The following LRCH4 variants were observed in gnomAD, a reference collection of about 807,000 sequenced individuals.
The protein encoded by LRCH4 is leucine rich repeats and calponin homology domain containing 4, also known as leucine-rich repeat and calponin homology domain-containing protein 4.
In LRCH4, 56 loss-of-function variants were observed where a neutral mutation model predicts 81.2. That is an observed-to-expected ratio of 0.69 (90% CI 0.56 to 0.86). LRCH4 has a LOEUF of 0.86. LRCH4 is among the 40% of genes least tolerant of loss of function. LRCH4 has a pLI of 0.00. For synonymous variants in LRCH4, 442 were observed against 409.7 expected, an observed-to-expected ratio of 1.08 and a Z score of -0.95; for missense variants, 895 against 922.8, an observed-to-expected ratio of 0.97 and a Z score of 0.39.
Position 100,582,444 on chromosome 7 carries a change from C to T in LRCH4, c.236G>A (p.Arg79Gln), listed in dbSNP as rs1156743671. 4.5e-5 allele frequency: 73 copies of T among 1,609,798 alleles called. No individual in the cohort carries two copies. Among genetic ancestry groups the T allele is most frequent in the Non-Finnish European group, 5.7e-5 (67 of 1,179,912 alleles). Residue 79 changes from arginine to glutamine, a missense_variant, in exon 2 of 18, where the codon CGG becomes CAG. Arg to Gln is a conservative substitution (Grantham distance 43). Around this residue, in one of 3 missense-constraint regions of LRCH4, gnomAD observed 360 missense variants for 397.0 expected, o/e 0.91. Coordinates refer to ENST00000310300, the MANE Select transcript of LRCH4 (RefSeq NM_002319.5). This position sits in a 1 kb window ranked among gnomAD's most constrained non-coding sequence, Gnocchi z 5.0. ...DITQADLSRN[R>Q]FPEVPEAACQ... ...CGCCGCCTCGGGCACCTCGGGAAAC[C>T]GGTTCCGGGACAGGTCTGGGGAAAA... is the stretch of plus-strand genomic sequence containing the variant.
Position 100,576,303 on chromosome 7 carries a change from CAG to C in LRCH4, c.1571_1572del (p.Ser524CysfsTer13). The C allele has an allele frequency of 6.2e-7, 1 of 1,614,066 alleles. No homozygotes were observed. Among genetic ancestry groups the C allele is most frequent in the Non-Finnish European group, 8.5e-7 (1 of 1,179,976 alleles). On this transcript the variant is annotated frameshift_variant, in exon 15 of 18. Coordinates refer to ENST00000310300, the MANE Select transcript of LRCH4 (RefSeq NM_002319.5). LOFTEE classifies it high-confidence loss of function. ...QSGSGPSSPD[S>X]VLRPRRYPQV... ...TGGGGGTACCGCCGAGGTCTCAGGACAGAGTCTGGTGAGGAAGGGCCTAGGAG... is the reference window on the plus strand; with the variant it reads ...TGGGGGTACCGCCGAGGTCTCAGGACAGTCTGGTGAGGAAGGGCCTAGGAG...
rs911842315 is a variant in LRCH4 at position 100,575,686 on chromosome 7, T to C, written c.1854+19A>G. 3 of 1,613,764 alleles carry C rather than the reference T, an allele frequency of 1.9e-6. No individual in the cohort carries two copies. The African/African-American group carries it at 4.0e-5, about 22-fold the overall frequency. ...CTGAGTCCGGCATGCCACCACTCTT[T>C]AGAAAGCAGCCCCCATACCTCAGGC... On this transcript the variant is annotated intron_variant, in intron 17 of 17. Transcript: ENST00000310300. The surrounding 1 kb of genome is among the most constrained non-coding windows in gnomAD (Gnocchi z 5.3).
chr7:100,575,074 G>A lies in LRCH4; in HGVS notation c.*33C>T, dbSNP rs780977774. On this transcript the variant is annotated 3_prime_UTR_variant, in exon 18 of 18. Transcript: ENST00000310300. This position sits in a 1 kb window ranked among gnomAD's most constrained non-coding sequence, Gnocchi z 5.3. ...CAGGGACCTTATAAATAGAGAGGAA[G>A]GGAAAGGGGTGAGGGAGGGCCGATT... The A allele has an allele frequency of 2.0e-5, 31 of 1,571,324 alleles. No homozygotes were observed. Among genetic ancestry groups the A allele is most frequent in the Non-Finnish European group, 2.2e-5 (25 of 1,154,850 alleles).
Position 100,578,230 on chromosome 7 carries a change from G to A in LRCH4, c.877C>T (p.Arg293Trp), listed in dbSNP as rs187288824. The stretch of plus-strand genomic sequence containing the variant: ...CCTGAGTCCAGCCCACCATCGTACC[G>A]ATGTCCCGGAAATAGATCCTCTGCA... Reference protein sequence around the residue: ...CPAEDLFPGHRYDGGLDSGFH... With the variant: ...CPAEDLFPGHWYDGGLDSGFH... The change falls in exon 7 of 18, where the codon CGG becomes TGG. Residue 293 changes from arginine to tryptophan, a missense_variant. Physicochemically the swap from Arg to Trp is moderately radical, Grantham distance 101. This residue lies in a region of LRCH4 where 360 missense variants were observed against 397.0 expected (regional missense o/e 0.91). Transcript: ENST00000310300. This position sits in a 1 kb window ranked among gnomAD's most constrained non-coding sequence, Gnocchi z 5.7. 16 of 1,614,204 alleles carry A rather than the reference G, an allele frequency of 9.9e-6. No homozygotes were observed. Among genetic ancestry groups the A allele is most frequent in the Admixed American group, 6.7e-5 (4 of 60,024 alleles).
At position 100,585,927 on chromosome 7, in the gene LRCH4, G is replaced by C. The variant is rs778995708; in HGVS notation, c.174C>G (p.Pro58=). ...GGTCGTAGCTACGGGCCGCGCCCCG[G>C]GGGAAGTGCTTCAAGCGCCGGTTAG... ...NLSNRRLKHF[P]RGAARSYDLS... Residue 58 remains proline (P), a synonymous_variant, in exon 1 of 18, where the codon CCC becomes CCG. Transcript: ENST00000310300. 4 of 1,612,066 alleles carry C rather than the reference G, an allele frequency of 2.5e-6. No individual in the cohort carries two copies. The highest frequency in any genetic ancestry group is 2.5e-6 in the Non-Finnish European group (3 of 1,179,058).
chr7:100,581,898 C>G lies in LRCH4; in HGVS notation c.493-16G>C, dbSNP rs369594111. On this transcript the variant is annotated splice_polypyrimidine_tract_variant and intron_variant, in intron 3 of 17. Transcript: ENST00000310300. The stretch of plus-strand genomic sequence containing the variant: ...TGCTCACGTCCTGGTATCAGGAAGG[C>G]AGTGGGAAGGGGCCATGAGACCAGG... 9.5e-5 allele frequency: 154 copies of G among 1,613,178 alleles called. No individual in the cohort carries two copies. Among genetic ancestry groups the G allele is most frequent in the Non-Finnish European group, 1.3e-4 (153 of 1,179,342 alleles).
In LRCH4 at chr7:100,575,713, C is replaced by A. The variant is rs1801333558; in HGVS notation, c.1846G>T (p.Val616Leu). 18 of 1,613,940 alleles carry A rather than the reference C, an allele frequency of 1.1e-5. No homozygotes were observed. The highest frequency in any genetic ancestry group is 2.2e-5 in the South Asian group (2 of 91,082). The change falls in exon 17 of 18, where the codon GTG (valine) becomes TTG (leucine). Residue 616 changes from valine to leucine, a missense_variant. Coordinates refer to ENST00000310300, the MANE Select transcript of LRCH4 (RefSeq NM_002319.5). This position sits in a 1 kb window ranked among gnomAD's most constrained non-coding sequence, Gnocchi z 5.3. ...SFLEACRKMG[V>L]PEADLCSPSD... ...GAAAGCAGCCCCCATACCTCAGGCACCCCCATTTTTCGACAGGCTTCTAGA... is the reference window on the plus strand; with the variant it reads ...GAAAGCAGCCCCCATACCTCAGGCAACCCCATTTTTCGACAGGCTTCTAGA...
chr7:100,578,196 C>T lies in LRCH4; in HGVS notation c.911G>A (p.Ser304Asn). 6.2e-7 allele frequency: 1 copy of T among 1,614,228 alleles called. No individual in the cohort carries two copies. Among genetic ancestry groups the T allele is most frequent in the Non-Finnish European group, 8.5e-7 (1 of 1,180,030 alleles). The change falls in exon 7 of 18, where the codon AGC becomes AAC. Residue 304 changes from serine to asparagine, a missense_variant. Coordinates refer to ENST00000310300, the MANE Select transcript of LRCH4 (RefSeq NM_002319.5). The surrounding 1 kb of genome is among the most constrained non-coding windows in gnomAD (Gnocchi z 5.7). The part of the protein sequence containing the change: ...YDGGLDSGFH[S>N]VDSGSKRWSG... ...CCACCTCTTGCTGCCACTATCAACG[C>T]TGTGGAAGCCTGAGTCCAGCCCACC...
rs755302192 is a variant in LRCH4, at chr7:100,578,638, C to T, written c.735+12G>A. 17 of 1,611,698 alleles carry T rather than the reference C, an allele frequency of 1.1e-5. No homozygotes were observed. The Admixed American group carries it at 2.0e-4, about 19-fold the overall frequency. ...ACCCCTGTCCTCGTGGCCCCCCAGG[C>T]ACCCGCCTCACCTGGGCAGGTGGAC... On this transcript the variant is annotated intron_variant, in intron 5 of 17. Coordinates refer to ENST00000310300, the MANE Select transcript of LRCH4 (RefSeq NM_002319.5). The surrounding 1 kb of genome is among the most constrained non-coding windows in gnomAD (Gnocchi z 5.7).
chr7:100,579,011 A>G (rs1801455925), intron 4 of LRCH4: 1 of 559,776 alleles, frequency 1.8e-6, no homozygotes, highest in Non-Finnish European at 3.2e-6. Flanking sequence ...TCTGGACGTC[A>G]GCTCAGCTTC....
rs1309413649 is a variant in LRCH4, at chr7:100,575,258, C to G, written c.1901G>C (p.Gly634Ala). The G allele has an allele frequency of 6.3e-7, 1 of 1,582,414 alleles. No homozygotes were observed. The highest frequency in any genetic ancestry group is 8.6e-7 in the Non-Finnish European group (1 of 1,163,336). Residue 634 changes from glycine (G) to alanine (A), a missense_variant, in exon 18 of 18, where the codon GGG (glycine) becomes GCG (alanine). This residue lies in a region of LRCH4 where 529 missense variants were observed against 504.9 expected (regional missense o/e 1.05). Coordinates refer to ENST00000310300, the MANE Select transcript of LRCH4 (RefSeq NM_002319.5). This position sits in a 1 kb window ranked among gnomAD's most constrained non-coding sequence, Gnocchi z 5.3. ...CACGGCCTCCAGCGCGGTCCGCAGCCCCCGGGCAGTGCCCTGGAGGAGATC... is the reference window on the plus strand; with the variant it reads ...CACGGCCTCCAGCGCGGTCCGCAGCGCCCGGGCAGTGCCCTGGAGGAGATC... The part of the protein sequence containing the change: ...PSDLLQGTAR[G>A]LRTALEAVKR...
intron 15 of LRCH4, 75 bp downstream of exon 15, chr7:100,576,163 G>A: frequency 1.3e-6 from 2 of 1,527,446 alleles, no homozygotes; most frequent in Admixed American, 1.8e-5. Context: ...GTGGAGGGAG[G>A]CTGGTCCCAA....
chr7:100,575,653 A>G lies in LRCH4; in HGVS notation c.1854+52T>C. ...AATGGAAGCCCACCATCCATGCCAC[A>G]TGCTCGGCTGAGTCCGGCATGCCAC... On this transcript the variant is annotated intron_variant, in intron 17 of 17. Transcript: ENST00000310300. The surrounding 1 kb of genome is among the most constrained non-coding windows in gnomAD (Gnocchi z 5.3). 6 of 1,600,248 alleles carry G rather than the reference A, an allele frequency of 3.7e-6. No individual in the cohort carries two copies. The South Asian group carries it at 5.5e-5, about 15-fold the overall frequency.
chr7:100,584,233 CT>C (rs1326754865), intron 1 of LRCH4: 1 of 456,440 alleles, frequency 2.2e-6, no homozygotes, highest in Non-Finnish European at 4.4e-6. Flanking sequence ...GTCACTTCCC[CT>C]TTCTGTCCCT....
At chr7:100,585,492 TG>T (rs1429499851) in intron 1 of LRCH4, among the ~76,000 whole-genome samples, 1 of 148,356 alleles carries the variant, frequency 6.7e-6, no homozygotes, top group Non-Finnish European at 1.5e-5. Flanking sequence ...GAGGTGTAGA[TG>T]AAGAGGGAGA....
chr7:100,576,219 A>G lies in LRCH4; in HGVS notation c.1638+19T>C. 2 of 1,612,476 alleles carry G rather than the reference A, an allele frequency of 1.2e-6. No homozygotes were observed. Among genetic ancestry groups the G allele is most frequent in the Non-Finnish European group, 1.7e-6 (2 of 1,179,162 alleles). ...GCCCGGCCCAGGCCCCTGCCCACGC[A>G]GCTCCCGCCTCTGCTCACCTGGCGC... On this transcript the variant is annotated intron_variant, in intron 15 of 17. Transcript: ENST00000310300.
Position 100,574,970 on chromosome 7 carries a change from C to CT in LRCH4, c.*136dup. On this transcript the variant is annotated 3_prime_UTR_variant, in exon 18 of 18. Transcript: ENST00000310300. ...GTCTGGGGGCACCAGAGTGGGGCCTCTGAGGTCAGTGTCTGTGAAGGGGGT... is the reference window on the plus strand; with the variant it reads ...GTCTGGGGGCACCAGAGTGGGGCCTCTTGAGGTCAGTGTCTGTGAAGGGGGT... 1.2e-6 allele frequency: 1 copy of CT among 848,902 alleles called. No individual in the cohort carries two copies. Among genetic ancestry groups the CT allele is most frequent in the Non-Finnish European group, 1.8e-6 (1 of 555,594 alleles). The allele number at this position is 848,902 out of a possible 1,614,324, so 52.6% of individuals were successfully genotyped here.
chr7:100,575,898 G>A lies in LRCH4; in HGVS notation c.1749C>T (p.Pro583=), dbSNP rs1584403232. 4 of 1,613,582 alleles carry A rather than the reference G, an allele frequency of 2.5e-6. No homozygotes were observed. Among genetic ancestry groups the A allele is most frequent in the Non-Finnish European group, 3.4e-6 (4 of 1,179,762 alleles). Residue 583 remains proline (P), a synonymous_variant, in exon 16 of 18, where the codon CCC becomes CCT. Transcript: ENST00000310300. The surrounding 1 kb of genome is among the most constrained non-coding windows in gnomAD (Gnocchi z 5.3). ...LANQLRPRSV[P]FIHVPSPAVP... ...CAGCAGGGGAGGGCACATGGATGAA[G>A]GGCACGGAGCGCGGCCGTAGCTGGT...
chr7:100,576,032 C>T, intron 15 of LRCH4, 24 bp from the exon 16 acceptor site: 1 of 1,589,850 alleles, frequency 6.3e-7, no homozygotes, highest in Non-Finnish European at 8.5e-7. Flanking sequence ...CCACATAGAG[C>T]AGGGGTCAGG....
Sources: gnomAD v4.1 joint callset for allele counts (sites outside exome capture counted in the v4.1 genomes callset) on GRCh38, gnomAD v4.1.1 for gene constraint, gnomAD v4.1.1 regional missense constraint, Gnocchi (gnomAD v3.1) non-coding constraint, MANE v1.5 for transcripts, NCBI Gene and HGNC (gene_info 2026-07-23, HGNC 2026-07-21) for gene names.